GNG2: variants seen among roughly 807,000 people sequenced by gnomAD.
GNG2 encodes the protein G protein subunit gamma 2, also known as guanine nucleotide-binding protein G(I)/G(S)/G(O) subunit gamma-2.
Under a neutral mutation model 5.5 loss-of-function variants are expected in GNG2, and 5 were observed. That is an observed-to-expected ratio of 0.91 (90% CI 0.48 to 1.92). GNG2 has a LOEUF of 1.92. Ranked by LOEUF, GNG2 falls within the 30% of genes most tolerant of loss-of-function variation. The pLI, the probability that GNG2 is intolerant of heterozygous loss-of-function variation, is 0.01. For synonymous variants in GNG2, 28 were observed against 32.0 expected (o/e 0.88, Z 0.42); for missense variants, 55 against 88.4 (o/e 0.62, Z 1.52).
intron 2 of GNG2, among the ~76,000 whole-genome samples, chr14:51,920,868 G>C (rs192921616): frequency 6.6e-6 from 1 of 152,304 alleles, no homozygotes; most frequent in African/African-American, 2.4e-5. Flanking sequence ...AAACATGGGA[G>C]CTGGGCTGCT....
At chr14:51,842,547 C>T (rs1881512481) in intron 2 of GNG2, among the ~76,000 whole-genome samples, 1 of 152,174 alleles carries the variant, frequency 6.6e-6, no homozygotes, top group African/African-American at 2.4e-5. Context: ...TGAGGTCCCA[C>T]CCCAGTGGTC....
At chr14:51,919,069 C>G (rs896721362) in intron 2 of GNG2, among the ~76,000 whole-genome samples, 5 of 152,146 alleles carry the variant, frequency 3.3e-5, no homozygotes, top group Admixed American at 3.3e-4. Context: ...AGATGATCTG[C>G]CCGCCTCAGC....
At chr14:51,930,394 T>C (rs1362780479) in intron 2 of GNG2, among the ~76,000 whole-genome samples, 1 of 152,206 alleles carries the variant, frequency 6.6e-6, no homozygotes, top group Non-Finnish European at 1.5e-5. Flanking sequence ...AACTAGTCAT[T>C]TTCACAGGAA....
intron 2 of GNG2, among the ~76,000 whole-genome samples, chr14:51,889,169 T>C (rs1469851533): frequency 6.7e-6 from 1 of 148,208 alleles, no homozygotes; most frequent in Non-Finnish European, 1.5e-5. Context: ...CTGGAGTACA[T>C]TGGAGCGATC....
intron 2 of GNG2, among the ~76,000 whole-genome samples, chr14:51,902,728 CA>C (rs566093827): frequency 6.6e-6 from 1 of 152,014 alleles, no homozygotes; most frequent in Admixed American, 6.6e-5. Context: ...ACTGTCTGTA[CA>C]AAAAATTTAA....
At chr14:51,842,636 C>A (rs1881514444) in intron 2 of GNG2, among the ~76,000 whole-genome samples, 2 of 151,866 alleles carry the variant, frequency 1.3e-5, no homozygotes, top group South Asian at 4.2e-4. Context: ...CTGTGTGTGA[C>A]CCTTTTTCAG....
intron 2 of GNG2, chr14:51,917,563 C>G (rs1886725296): frequency 2.7e-6 from 1 of 373,564 alleles, no homozygotes; most frequent in African/African-American, 2.1e-5. Context: ...ACTGAATTAC[C>G]TCTGATTAAA....
At chr14:51,894,430 T>C (rs1226346781) in intron 2 of GNG2, among the ~76,000 whole-genome samples, 1 of 152,156 alleles carries the variant, frequency 6.6e-6, no homozygotes, top group Non-Finnish European at 1.5e-5. Flanking sequence ...ACAGATGTCA[T>C]AAGCTTGACT....
chr14:51,919,898 T>C (rs924160612), intron 2 of GNG2, among the ~76,000 whole-genome samples: 64 of 152,136 alleles, frequency 4.2e-4, no homozygotes, highest in Admixed American at 2.4e-3. Flanking sequence ...CAAATAAAAA[T>C]AGATATGGCC....
At chr14:51,829,357 C>T (rs1881119267) in intron 2 of GNG2, among the ~76,000 whole-genome samples, 1 of 152,096 alleles carries the variant, frequency 6.6e-6, no homozygotes, top group African/African-American at 2.4e-5. Context: ...TTGATCATAC[C>T]ACCTTTTCAC....
chr14:51,916,620 TAGA>T (rs1189449383), intron 2 of GNG2: 4 of 395,516 alleles, frequency 1.0e-5, no homozygotes, highest in African/African-American at 4.2e-5. Context: ...AAGCCAGAAG[TAGA>T]AGAAGAGCCA....
At chr14:51,892,514 G>C (rs1884927188) in intron 2 of GNG2, among the ~76,000 whole-genome samples, 2 of 152,060 alleles carry the variant, frequency 1.3e-5, no homozygotes, top group Admixed American at 6.5e-5. Context: ...GGCCAGGCTG[G>C]TCTCGAACTC....
chr14:51,830,593 C>A (rs745506165), intron 2 of GNG2, among the ~76,000 whole-genome samples: 2 of 152,194 alleles, frequency 1.3e-5, no homozygotes, highest in South Asian at 2.1e-4. Flanking sequence ...AGAGTCAATT[C>A]ATGTCTTCTT....
At chr14:51,962,927 C>A (rs1889697336) in intron 3 of GNG2, among the ~76,000 whole-genome samples, 1 of 152,196 alleles carries the variant, frequency 6.6e-6, no homozygotes, top group African/African-American at 2.4e-5. Flanking sequence ...CATTGAGACT[C>A]ACAACTCAGT....
chr14:51,955,272 T>C (rs985020172), intron 3 of GNG2, among the ~76,000 whole-genome samples: 3 of 152,312 alleles, frequency 2.0e-5, no homozygotes, highest in East Asian at 1.9e-4. Flanking sequence ...CTGGTTATTC[T>C]GGGTTTCTGA....
At chr14:51,932,272 A>AAAAGT (rs1887712828) in intron 2 of GNG2, among the ~76,000 whole-genome samples, 1 of 65,090 alleles carries the variant, frequency 1.5e-5, no homozygotes, top group East Asian at 3.5e-4. Context: ...AAAAAAAAAA[A>AAAAGT]GAAAAGAAAA....
chr14:51,914,220 A>C (rs1281884717), intron 2 of GNG2: 1 of 702,122 alleles, frequency 1.4e-6, no homozygotes, highest in Non-Finnish European at 2.6e-6. Flanking sequence ...GCCAGAAATG[A>C]CTGTGCCATT....
At chr14:51,843,441 G>T (rs1447562010) in intron 2 of GNG2, among the ~76,000 whole-genome samples, 2 of 152,102 alleles carry the variant, frequency 1.3e-5, no homozygotes, top group African/African-American at 2.4e-5. Flanking sequence ...TGAGGGGAGG[G>T]AGAGCATTAG....
chr14:51,862,209 T>C lies in GNG2; in HGVS notation c.-71+1419T>C, dbSNP rs180933324. Among the ~76,000 whole-genome samples the C allele has an allele frequency of 8.5e-4, 129 of 152,214 alleles. 1 individual carries two copies. The highest frequency in any genetic ancestry group is 4.4e-4 in the Non-Finnish European group (30 of 68,014). ...TTATAGCTACTAAAGAAAAAAAAAG[T>C]CTATTTCTCAGAGGTTTTTTGCTCA... On this transcript the variant is annotated intron_variant, in intron 1 of 3. Transcript: ENST00000556766.
Sources: gnomAD v4.1 joint callset for allele counts (sites outside exome capture counted in the v4.1 genomes callset) on GRCh38, gnomAD v4.1.1 for gene constraint, MANE v1.5 for transcripts, NCBI Gene and HGNC (gene_info 2026-07-23, HGNC 2026-07-21) for gene names.